Variants in PLCG2 observed in about 807,000 individuals in gnomAD.
PLCG2 encodes the protein 1-phosphatidylinositol 4,5-bisphosphate phosphodiesterase gamma-2.
Under a neutral mutation model 175.6 loss-of-function variants are expected in PLCG2, and 69 were observed. The ratio of observed to expected loss-of-function variants is 0.39; its 90% CI spans 0.32 to 0.48. The LOEUF (loss-of-function observed/expected upper bound fraction) is 0.48, where lower values mean the gene tolerates loss of function less well. Ranked by LOEUF, PLCG2 falls within the 20% of genes least tolerant of loss-of-function variation. The pLI, the probability that PLCG2 is intolerant of heterozygous loss-of-function variation, is 0.91. For missense variants in PLCG2, 1,798 were observed against 1,650.9 expected (o/e 1.09, Z -1.54); for synonymous variants, 827 against 624.0 (o/e 1.33, Z -4.85).
rs1441360205 is a variant in PLCG2, at chr16:81,962,642, C to A, written c.*4644C>A. ...GGCTGTTGTTAATGTGAAAATTAAA[C>A]AGCTGTATCACATTTTGAAAAATAA... On this transcript the variant is annotated 3_prime_UTR_variant, in exon 33 of 33. Coordinates refer to ENST00000564138, the MANE Select transcript of PLCG2 (RefSeq NM_002661.5). 4.5e-6 allele frequency: 1 copy of A among 221,346 alleles called. No homozygotes were observed. Among genetic ancestry groups the A allele is most frequent in the South Asian group, 1.8e-4 (1 of 5,438 alleles). 13.7% of individuals were successfully genotyped at this position (221,346 alleles called of 1,614,324 possible).
intron 2 of PLCG2, among the ~76,000 whole-genome samples, chr16:81,848,666 C>G (rs1306723710): frequency 6.6e-6 from 1 of 152,120 alleles, no homozygotes; most frequent in African/African-American, 2.4e-5. Flanking sequence ...CTTGAGGTCC[C>G]CATTTCTCTC....
At chr16:81,773,793 C>T (rs759344316) in intron 2 of PLCG2, among the ~76,000 whole-genome samples, 2 of 152,150 alleles carry the variant, frequency 1.3e-5, no homozygotes, top group African/African-American at 2.4e-5. Flanking sequence ...GTGAAGCTTA[C>T]AGCGGCTGCA....
chr16:81,742,124 C>T (rs1320414422), intron 1 of PLCG2, among the ~76,000 whole-genome samples: 2 of 117,774 alleles, frequency 1.7e-5, no homozygotes, highest in African/African-American at 7.2e-5. Flanking sequence ...AATTGTGGTA[C>T]AAAGCACACA....
At position 81,958,730 on chromosome 16, in the gene PLCG2, C is replaced by T. The variant is rs891353976; in HGVS notation, c.*732C>T. On this transcript the variant is annotated 3_prime_UTR_variant, in exon 33 of 33. Coordinates refer to ENST00000564138, the MANE Select transcript of PLCG2 (RefSeq NM_002661.5). ...CTGCAGGGGCAGGTTCTCACTTGCC[C>T]CTGGCTCTGCCAGCTGCTGGGAGGC... 1.4e-5 allele frequency: 3 copies of T among 221,722 alleles called. No individual in the cohort carries two copies. The highest frequency in any genetic ancestry group is 4.5e-5 in the African/African-American group (2 of 44,676). The allele number at this position is 221,722 out of a possible 1,614,324, so 13.7% of individuals were successfully genotyped here.
At chr16:81,787,822 C>G (rs1375108166) in intron 2 of PLCG2, among the ~76,000 whole-genome samples, 2 of 151,984 alleles carry the variant, frequency 1.3e-5, no homozygotes, top group Non-Finnish European at 2.9e-5. Context: ...GAAATGGATC[C>G]TATGTATGTG....
chr16:81,887,252 T>C (rs1908416786), intron 9 of PLCG2, among the ~76,000 whole-genome samples: 1 of 151,972 alleles, frequency 6.6e-6, no homozygotes, highest in Non-Finnish European at 1.5e-5. Flanking sequence ...CCCGAGTACC[T>C]GGGACTACAG....
At chr16:81,740,617 C>G (rs1008981396) in intron 1 of PLCG2, 1 of 150,204 alleles carries the variant, frequency 6.7e-6, no homozygotes, top group Admixed American at 6.7e-5. Context: ...GCCTGCAATC[C>G]CAGCTACCCA....
chr16:81,786,188 T>G lies in PLCG2; in HGVS notation c.193+6T>G. On this transcript the variant is annotated splice_donor_region_variant and intron_variant, in intron 2 of 32. Coordinates refer to ENST00000564138, the MANE Select transcript of PLCG2 (RefSeq NM_002661.5). ...TGACAAGATCGAGGGCTTCTGTGAGTACTCGCTGGGTGGGGCAGTGTGGCC... is the reference window on the plus strand; with the variant it reads ...TGACAAGATCGAGGGCTTCTGTGAGGACTCGCTGGGTGGGGCAGTGTGGCC... 6.2e-7 allele frequency: 1 copy of G among 1,612,422 alleles called. No individual in the cohort carries two copies. The highest frequency in any genetic ancestry group is 8.5e-7 in the Non-Finnish European group (1 of 1,179,090).
At position 81,961,572 on chromosome 16, in the gene PLCG2, G is replaced by A. The variant is rs12598147; in HGVS notation, c.*3574G>A. 0.028 allele frequency: 6,027 copies of A among 216,500 alleles called. 326 individuals carry two copies. Among genetic ancestry groups the A allele is most frequent in the East Asian group, 0.14 (2,003 of 14,284 alleles). 13.4% of individuals were successfully genotyped at this position (216,500 alleles called of 1,614,324 possible). A position where few individuals can be genotyped will look rare whatever the true frequency, so the allele number is the denominator to read the frequency against. ...AAATTTATTAGGCTAAAATTTTGAGGGAGAAGTGGTATGAAAATACAAATT... is the reference window on the plus strand; with the variant it reads ...AAATTTATTAGGCTAAAATTTTGAGAGAGAAGTGGTATGAAAATACAAATT... On this transcript the variant is annotated 3_prime_UTR_variant, in exon 33 of 33. Coordinates refer to ENST00000564138, the MANE Select transcript of PLCG2 (RefSeq NM_002661.5).
rs569235985 is a variant in PLCG2 at position 81,830,870 on chromosome 16, C to T, written c.194-23574C>T. On this transcript the variant is annotated intron_variant, in intron 2 of 32. Coordinates refer to ENST00000564138, the MANE Select transcript of PLCG2 (RefSeq NM_002661.5). ...AGGGTATATGCAAGTGCAGAGACAGCGTGACTAGAATGTCCAGGCAGGAGA... is the reference window on the plus strand; with the variant it reads ...AGGGTATATGCAAGTGCAGAGACAGTGTGACTAGAATGTCCAGGCAGGAGA... Among the ~76,000 whole-genome samples the T allele has an allele frequency of 1.2e-3, 175 of 151,770 alleles. No homozygotes were observed. The Middle Eastern group carries it at 0.017, about 15-fold the overall frequency.
chr16:81,795,098 G>A (rs1911407275), intron 2 of PLCG2, among the ~76,000 whole-genome samples: 3 of 152,206 alleles, frequency 2.0e-5, no homozygotes, highest in South Asian at 2.1e-4. Context: ...TGTGTGTTGG[G>A]CAATGTGCTT....
intron 31 of PLCG2, among the ~76,000 whole-genome samples, chr16:81,949,604 G>A (rs1373725526): frequency 6.6e-6 from 1 of 152,122 alleles, no homozygotes; most frequent in South Asian, 2.1e-4. Flanking sequence ...CCCCTGAATC[G>A]ATGATTATTT....
intron 2 of PLCG2, among the ~76,000 whole-genome samples, chr16:81,824,894 A>G (rs771163018): frequency 1.3e-5 from 2 of 152,176 alleles, no homozygotes; most frequent in Non-Finnish European, 2.9e-5. Flanking sequence ...CTCCTGCATG[A>G]CCCAGGTAGG....
At chr16:81,831,938 C>T (rs1414456077) in intron 2 of PLCG2, among the ~76,000 whole-genome samples, 3 of 152,160 alleles carry the variant, frequency 2.0e-5, no homozygotes, top group Admixed American at 6.5e-5. Context: ...ACAGGCAAAG[C>T]GGGGGCAGGG....
rs1911701246 is a variant in PLCG2, at chr16:81,959,449, T to C, written c.*1451T>C. 1 of 219,144 alleles carries C rather than the reference T, an allele frequency of 4.6e-6. No individual in the cohort carries two copies. The highest frequency in any genetic ancestry group is 5.8e-5 in the Admixed American group (1 of 17,274). The allele number at this position is 219,144 out of a possible 1,614,324, so 13.6% of individuals were successfully genotyped here. ...AATACAGTGCCAAGATTTGGGGGTG[T>C]GGATGTTTAAACAAAAAGCTGTGGG... is the stretch of plus-strand genomic sequence containing the variant. On this transcript the variant is annotated 3_prime_UTR_variant, in exon 33 of 33. Coordinates refer to ENST00000564138, the MANE Select transcript of PLCG2 (RefSeq NM_002661.5).
intron 2 of PLCG2, among the ~76,000 whole-genome samples, chr16:81,821,288 T>C (rs1181376451): frequency 6.6e-6 from 1 of 152,232 alleles, no homozygotes; most frequent in Non-Finnish European, 1.5e-5. Context: ...ATGCTAAATA[T>C]CATAGTAATA....
chr16:81,878,043 G>T (rs1199247957), intron 7 of PLCG2, among the ~76,000 whole-genome samples: 3 of 130,020 alleles, frequency 2.3e-5, no homozygotes, highest in Non-Finnish European at 4.7e-5. Flanking sequence ...GTGTAGTGGC[G>T]CCATCTCGGC....
chr16:81,920,814 G>T (rs898431455), intron 20 of PLCG2, among the ~76,000 whole-genome samples: 3 of 152,210 alleles, frequency 2.0e-5, no homozygotes, highest in African/African-American at 7.2e-5. Context: ...CTTCCATGGA[G>T]GTCAGTTTCA....
rs1314680723 is a variant in PLCG2, at chr16:81,786,083, A to G, written c.94A>G (p.Ser32Gly). Residue 32 changes from serine (S) to glycine (G), a missense_variant, in exon 2 of 33, where the codon AGC becomes GGC. Coordinates refer to ENST00000564138, the MANE Select transcript of PLCG2 (RefSeq NM_002661.5). ...GCTGGGGACGGTGATGACTGTGTTC[A>G]GCTTCCGCAAGTCCACCCCCGAGCG... is the stretch of plus-strand genomic sequence containing the variant. ...LELGTVMTVF[S>G]FRKSTPERRT... is the part of the protein sequence containing the mutation. The G allele has an allele frequency of 1.2e-6, 2 of 1,614,214 alleles. No individual in the cohort carries two copies. The highest frequency in any genetic ancestry group is 1.1e-5 in the South Asian group (1 of 91,080).
Sources: allele counts gnomAD v4.1 joint callset (sites outside exome capture counted in the v4.1 genomes callset), GRCh38; gene constraint gnomAD v4.1.1; transcripts MANE v1.5; gene names NCBI Gene and HGNC (gene_info 2026-07-23, HGNC 2026-07-21).